SRBD1: variants seen among roughly 807,000 people sequenced by gnomAD.
SRBD1 encodes S1 RNA-binding domain-containing protein 1.
In SRBD1, 88 loss-of-function variants were observed where a neutral mutation model predicts 115.3. The observed-to-expected ratio is 0.76, with a 90% CI of 0.64 to 0.91. SRBD1 has a LOEUF of 0.91. Among genes scored for constraint, SRBD1 ranks in the 40% least tolerant of loss-of-function variants. SRBD1 has a pLI of 0.00. For missense variants in SRBD1, 1,385 were observed against 1,177.4 expected, an observed-to-expected ratio of 1.18 and a Z score of -2.58; for synonymous variants, 509 against 407.7, an observed-to-expected ratio of 1.25 and a Z score of -2.99.
chr2:45,566,902 GCTT>G (rs1672847072), intron 9 of SRBD1, among the ~76,000 whole-genome samples: 1 of 151,940 alleles, frequency 6.6e-6, no homozygotes, highest in African/African-American at 2.4e-5. Flanking sequence ...ATTCTTAATG[GCTT>G]TCTTCCAATT....
intron 10 of SRBD1, 56 bp downstream of exon 10, chr2:45,562,597 G>A (rs1222236367): frequency 1.3e-5 from 17 of 1,313,088 alleles, no homozygotes; most frequent in East Asian, 7.1e-5. Flanking sequence ...TATAGATATC[G>A]GTATCATATT....
chr2:45,574,436 A>T (rs1558488242), intron 8 of SRBD1, among the ~76,000 whole-genome samples, 191 bp downstream of exon 8: 1 of 152,202 alleles, frequency 6.6e-6, no homozygotes, highest in Non-Finnish European at 1.5e-5. Context: ...CCCTGTCCAG[A>T]ATTCAATTAA....
intron 14 of SRBD1, among the ~76,000 whole-genome samples, chr2:45,536,700 T>G (rs139073726): frequency 6.6e-6 from 1 of 152,172 alleles, no homozygotes; most frequent in Non-Finnish European, 1.5e-5. Flanking sequence ...AAGAGTACAT[T>G]TGTCCAGCTT....
At chr2:45,579,756 A>T (rs1179491032) in intron 7 of SRBD1, 119 bp downstream of exon 7, 4 of 1,182,758 alleles carry the variant, frequency 3.4e-6, no homozygotes, top group Non-Finnish European at 4.4e-6. Context: ...ATTATTCTAC[A>T]TACGCTGTAA....
At chr2:45,409,515 C>CAAAAAAAAAAAA (rs59849294) in intron 19 of SRBD1, among the ~76,000 whole-genome samples, 4 of 117,910 alleles carry the variant, frequency 3.4e-5, no homozygotes, top group Non-Finnish European at 5.3e-5. Flanking sequence ...TTGCAATAGG[C>CAAAAAAAAAAAA]AAAAAAAAAA....
At chr2:45,425,123 A>G (rs1270994112) in intron 16 of SRBD1, among the ~76,000 whole-genome samples, 1 of 152,154 alleles carries the variant, frequency 6.6e-6, no homozygotes, top group South Asian at 2.1e-4. Flanking sequence ...AAATTTCCTT[A>G]TTGTTCAGGC....
At chr2:45,580,676 CTTTTTTTTTTT>C (rs369067711) in intron 6 of SRBD1, among the ~76,000 whole-genome samples, 4 of 76,350 alleles carry the variant, frequency 5.2e-5, no homozygotes, top group African/African-American at 1.3e-4. Flanking sequence ...TCTTCTACTT[CTTTTTTTTTTT>C]TTTTTTTTTT....
At chr2:45,606,925 A>C (rs1674292010) in intron 1 of SRBD1, among the ~76,000 whole-genome samples, 1 of 152,204 alleles carries the variant, frequency 6.6e-6, no homozygotes, top group Admixed American at 6.5e-5. Flanking sequence ...TAGAAGAGGA[A>C]ATAATCTCTC....
At chr2:45,457,433 T>C (rs1362966251) in intron 16 of SRBD1, among the ~76,000 whole-genome samples, 1 of 151,956 alleles carries the variant, frequency 6.6e-6, no homozygotes, top group African/African-American at 2.4e-5. Context: ...AACAGAGCCC[T>C]AAGAATACAT....
chr2:45,465,604 G>A (rs758092056), intron 16 of SRBD1, among the ~76,000 whole-genome samples: 25 of 152,044 alleles, frequency 1.6e-4, no homozygotes, highest in Non-Finnish European at 1.9e-4. Flanking sequence ...TAGAAAGGAA[G>A]ACAATGATTT....
chr2:45,421,817 T>C (rs1269878690), intron 16 of SRBD1, among the ~76,000 whole-genome samples: 2 of 152,180 alleles, frequency 1.3e-5, no homozygotes, highest in Admixed American at 1.3e-4. Flanking sequence ...GGAGCACTTC[T>C]GTATTTCAGA....
chr2:45,480,368 C>T (rs938140044), intron 15 of SRBD1, among the ~76,000 whole-genome samples: 2 of 152,136 alleles, frequency 1.3e-5, no homozygotes, highest in Non-Finnish European at 2.9e-5. Context: ...CTATTAATAA[C>T]ATTCATAATT....
chr2:45,606,449 T>A (rs896200907), intron 1 of SRBD1, among the ~76,000 whole-genome samples: 2 of 152,154 alleles, frequency 1.3e-5, no homozygotes, highest in African/African-American at 4.8e-5. Context: ...CATGAGTCAC[T>A]GTGCCCAGCC....
At chr2:45,511,484 T>G (rs1322047706) in intron 14 of SRBD1, among the ~76,000 whole-genome samples, 1 of 152,162 alleles carries the variant, frequency 6.6e-6, no homozygotes, top group Non-Finnish European at 1.5e-5. Context: ...TTCTAAAACT[T>G]TATGTCAAGG....
At chr2:45,434,098 C>G (rs1356564574) in intron 16 of SRBD1, among the ~76,000 whole-genome samples, 1 of 152,182 alleles carries the variant, frequency 6.6e-6, no homozygotes, top group East Asian at 1.9e-4. Flanking sequence ...GCTGAAGATT[C>G]CTTTACTGCT....
intron 19 of SRBD1, among the ~76,000 whole-genome samples, chr2:45,408,256 G>T (rs1240137603): frequency 6.6e-6 from 1 of 152,148 alleles, no homozygotes; most frequent in Non-Finnish European, 1.5e-5. Context: ...TATGCTGAGT[G>T]ATGTTTAAAC....
chr2:45,540,103 G>A (rs1019630085), intron 14 of SRBD1, among the ~76,000 whole-genome samples: 2 of 152,176 alleles, frequency 1.3e-5, no homozygotes, highest in African/African-American at 4.8e-5. Context: ...AGCACTTTGG[G>A]AGGCCATGGC....
chr2:45,553,894 CT>C (rs1188795428), intron 10 of SRBD1, among the ~76,000 whole-genome samples, 164 bp from the exon 11 acceptor site: 1 of 152,156 alleles, frequency 6.6e-6, no homozygotes, highest in Non-Finnish European at 1.5e-5. Context: ...AAAATTATTA[CT>C]ATGACATCTG....
intron 14 of SRBD1, among the ~76,000 whole-genome samples, chr2:45,506,150 A>C (rs551737009): frequency 7.9e-5 from 12 of 152,192 alleles, no homozygotes; most frequent in Non-Finnish European, 1.3e-4. Context: ...CTGTCAAGCC[A>C]TCTGGTTAGA....
Sources: gnomAD v4.1 joint callset for allele counts (sites outside exome capture counted in the v4.1 genomes callset) on GRCh38, gnomAD v4.1.1 for gene constraint, MANE v1.5 for transcripts, NCBI Gene and HGNC (gene_info 2026-07-23, HGNC 2026-07-21) for gene names.